Variants in SCFD2 observed in about 807,000 individuals in gnomAD.
The protein encoded by SCFD2 is sec1 family domain-containing protein 2.
Under a neutral mutation model 58.9 loss-of-function variants are expected in SCFD2, and 54 were observed. The ratio of observed to expected loss-of-function variants is 0.92; its 90% CI spans 0.74 to 1.15. The LOEUF (loss-of-function observed/expected upper bound fraction) is 1.15. Among genes scored for constraint, SCFD2 ranks in the 50% most tolerant of loss-of-function variants. SCFD2 has a pLI of 0.00. For missense variants in SCFD2, 805 were observed against 836.6 expected (o/e 0.96, Z 0.47); for synonymous variants, 321 against 335.9 (o/e 0.96, Z 0.49).
At chr4:53,310,248 C>T (rs1732651111) in intron 3 of SCFD2, among the ~76,000 whole-genome samples, 1 of 152,318 alleles carries the variant, frequency 6.6e-6, no homozygotes, top group South Asian at 2.1e-4. Context: ...AACACTCTTT[C>T]AAGAACTCTG....
At chr4:53,292,943 A>G (rs1731892744) in intron 3 of SCFD2, among the ~76,000 whole-genome samples, 1 of 152,094 alleles carries the variant, frequency 6.6e-6, no homozygotes, top group Non-Finnish European at 1.5e-5. Flanking sequence ...CCTAGAAGAC[A>G]AATTCATAGG....
chr4:53,015,403 T>C (rs1258105537), intron 5 of SCFD2, among the ~76,000 whole-genome samples: 3 of 152,116 alleles, frequency 2.0e-5, no homozygotes, highest in Non-Finnish European at 4.4e-5. Flanking sequence ...GAAGAATTTT[T>C]AGTAAGGAGT....
intron 4 of SCFD2, among the ~76,000 whole-genome samples, chr4:53,258,164 CT>C (rs1224159596): frequency 6.6e-6 from 1 of 152,036 alleles, no homozygotes; most frequent in African/African-American, 2.4e-5. Context: ...TTGTCAATGA[CT>C]TTTTTTAGAA....
At chr4:53,256,484 C>T (rs1009615435) in intron 4 of SCFD2, among the ~76,000 whole-genome samples, 11 of 152,168 alleles carry the variant, frequency 7.2e-5, no homozygotes, top group East Asian at 3.9e-4. Flanking sequence ...GGGTGGCGGC[C>T]GGGCAGAGGC....
At chr4:53,318,008 G>A (rs534686964) in intron 2 of SCFD2, among the ~76,000 whole-genome samples, 2 of 152,220 alleles carry the variant, frequency 1.3e-5, no homozygotes, top group South Asian at 4.2e-4. Flanking sequence ...AACTGCAGTG[G>A]TCTTCCCCCA....
intron 5 of SCFD2, among the ~76,000 whole-genome samples, chr4:53,116,271 A>C (rs1725316230): frequency 1.3e-5 from 2 of 152,310 alleles, no homozygotes; most frequent in South Asian, 4.1e-4. Context: ...TCTCACATTA[A>C]ATGTTCATAG....
chr4:53,310,772 C>T (rs529031258), intron 3 of SCFD2, among the ~76,000 whole-genome samples: 2 of 152,146 alleles, frequency 1.3e-5, no homozygotes, highest in African/African-American at 4.8e-5. Flanking sequence ...GTGCTCATAA[C>T]GTTTTAACAT....
chr4:53,148,431 A>G (rs1726402889), intron 4 of SCFD2, among the ~76,000 whole-genome samples: 1 of 152,232 alleles, frequency 6.6e-6, no homozygotes, highest in African/African-American at 2.4e-5. Context: ...ATACAAAGTC[A>G]GGAATATTGA....
rs543792451 is a variant in SCFD2 at position 53,302,990 on chromosome 4, T to C, written c.1135+10646A>G. On this transcript the variant is annotated intron_variant, in intron 3 of 8. Coordinates refer to ENST00000401642, the MANE Select transcript of SCFD2 (RefSeq NM_152540.4). ...GACTTACATGTTAGACCTAAAACCA[T>C]AAAAACCCTAGAAGAAAACCTAGGC... Among the ~76,000 whole-genome samples the C allele has an allele frequency of 2.0e-3, 309 of 152,186 alleles. 1 individual carries two copies. Among genetic ancestry groups the C allele is most frequent in the African/African-American group, 7.2e-3 (297 of 41,506 alleles).
intron 2 of SCFD2, among the ~76,000 whole-genome samples, chr4:53,327,310 G>A (rs994702995): frequency 2.6e-5 from 4 of 152,172 alleles, no homozygotes; most frequent in Admixed American, 6.5e-5. Flanking sequence ...GATGGAGGGT[G>A]GCAGCAGTCT....
At chr4:52,953,001 CA>C (rs1282880440) in intron 5 of SCFD2, among the ~76,000 whole-genome samples, 1 of 152,134 alleles carries the variant, frequency 6.6e-6, no homozygotes, top group Non-Finnish European at 1.5e-5. Flanking sequence ...TAAAATGTCC[CA>C]TAGGCCCAGC....
At chr4:53,044,754 G>T (rs1340918447) in intron 5 of SCFD2, among the ~76,000 whole-genome samples, 1 of 151,536 alleles carries the variant, frequency 6.6e-6, no homozygotes, top group Non-Finnish European at 1.5e-5. Flanking sequence ...AAGATTATTG[G>T]CAGTGTAGGA....
At chr4:52,975,308 T>C (rs533939429) in intron 5 of SCFD2, among the ~76,000 whole-genome samples, 1 of 151,952 alleles carries the variant, frequency 6.6e-6, no homozygotes, top group African/African-American at 2.4e-5. Context: ...TACAATGAAC[T>C]CAAACAAATT....
chr4:53,245,922 C>T (rs1021767476), intron 4 of SCFD2, among the ~76,000 whole-genome samples: 2 of 152,154 alleles, frequency 1.3e-5, no homozygotes, highest in African/African-American at 2.4e-5. Context: ...CCCCTGTTTG[C>T]AGATAACATA....
intron 4 of SCFD2, among the ~76,000 whole-genome samples, chr4:53,251,974 T>C (rs1340217050): frequency 6.6e-6 from 1 of 152,136 alleles, no homozygotes; most frequent in African/African-American, 2.4e-5. Flanking sequence ...TGAATGTATA[T>C]CTAGAAAACC....
At chr4:53,120,160 A>G (rs577753657) in intron 5 of SCFD2, among the ~76,000 whole-genome samples, 1 of 152,356 alleles carries the variant, frequency 6.6e-6, no homozygotes, top group South Asian at 2.1e-4. Context: ...TTAAATACAC[A>G]CAGTTTTATT....
intron 4 of SCFD2, among the ~76,000 whole-genome samples, chr4:53,237,499 G>GT (rs1491281607): frequency 1.9e-4 from 15 of 77,258 alleles, no homozygotes; most frequent in Admixed American, 1.8e-3. Flanking sequence ...TCCCGGACGG[G>GT]CGGCTGGCCG....
chr4:53,126,861 T>C (rs1366544577), intron 5 of SCFD2, among the ~76,000 whole-genome samples: 1 of 151,924 alleles, frequency 6.6e-6, no homozygotes, highest in Admixed American at 6.6e-5. Flanking sequence ...ATTCCTATCA[T>C]AATCAGGTTG....
chr4:53,123,562 C>A (rs779974926), intron 5 of SCFD2, among the ~76,000 whole-genome samples: 17 of 151,756 alleles, frequency 1.1e-4, no homozygotes, highest in Non-Finnish European at 2.1e-4. Context: ...ACATTCCTAG[C>A]AAGGTGCCAG....
Sources: allele counts gnomAD v4.1 joint callset (sites outside exome capture counted in the v4.1 genomes callset), GRCh38; gene constraint gnomAD v4.1.1; transcripts MANE v1.5; gene names NCBI Gene and HGNC (gene_info 2026-07-23, HGNC 2026-07-21).